The following HSD17B2 variants were observed in gnomAD, a reference collection of about 807,000 sequenced individuals.
The protein encoded by HSD17B2 is hydroxysteroid 17-beta dehydrogenase 2.
HSD17B2 carries 32 observed loss-of-function variants against 26.9 expected under a neutral mutation model. That is an observed-to-expected ratio of 1.19 (90% CI 0.90 to 1.60). The LOEUF (loss-of-function observed/expected upper bound fraction) is 1.60. HSD17B2 is among the 40% of genes most tolerant of loss of function. The pLI is 0.00. For missense variants in HSD17B2, 613 were observed against 468.6 expected, an observed-to-expected ratio of 1.31 and a Z score of -2.85; for synonymous variants, 246 against 186.7, an observed-to-expected ratio of 1.32 and a Z score of -2.59.
intron 1 of HSD17B2, among the ~76,000 whole-genome samples, chr16:82,054,161 A>G (rs538736753): frequency 6.6e-6 from 1 of 151,580 alleles, no homozygotes; most frequent in Non-Finnish European, 1.5e-5. Flanking sequence ...CAGTCCAAAC[A>G]TGTAAGAGCC....
At chr16:82,035,738 G>C in intron 1 of HSD17B2, 49 bp downstream of exon 1, 2 of 1,582,898 alleles carry the variant, frequency 1.3e-6, no homozygotes, top group Non-Finnish European at 1.7e-6. Flanking sequence ...TCTGAAACTT[G>C]CTTTGCCTTA....
At chr16:82,086,059 C>A (rs545538274) in intron 3 of HSD17B2, among the ~76,000 whole-genome samples, 60 of 152,116 alleles carry the variant, frequency 3.9e-4, no homozygotes, top group African/African-American at 1.4e-3. Flanking sequence ...ATGTGGAAAA[C>A]ATTTGGCAGT....
chr16:82,088,269 A>C (rs1904585098), intron 3 of HSD17B2, among the ~76,000 whole-genome samples: 1 of 152,170 alleles, frequency 6.6e-6, no homozygotes, highest in African/African-American at 2.4e-5. Context: ...CTTTTGGGCT[A>C]TTGAGATATT....
At chr16:82,088,381 G>A (rs574759389) in intron 3 of HSD17B2, among the ~76,000 whole-genome samples, 33 of 152,228 alleles carry the variant, frequency 2.2e-4, no homozygotes, top group African/African-American at 7.0e-4. Flanking sequence ...CTTTCGCAAC[G>A]ATCCTATGAT....
At chr16:82,055,852 G>A (rs886757268) in intron 1 of HSD17B2, among the ~76,000 whole-genome samples, 5 of 152,164 alleles carry the variant, frequency 3.3e-5, no homozygotes, top group African/African-American at 1.2e-4. Context: ...TGGCGAATTG[G>A]TTTCCTCTGT....
chr16:82,055,661 C>T (rs1483646160), intron 1 of HSD17B2, among the ~76,000 whole-genome samples: 2 of 152,180 alleles, frequency 1.3e-5, no homozygotes, highest in African/African-American at 4.8e-5. Flanking sequence ...TTATTGACAT[C>T]CAGACAGCGT....
chr16:82,049,235 C>T (rs8046220), intron 1 of HSD17B2, among the ~76,000 whole-genome samples: 11 of 152,054 alleles, frequency 7.2e-5, no homozygotes, highest in African/African-American at 1.5e-4. Flanking sequence ...TATAGGGTAG[C>T]GGGGAGTGAC....
At chr16:82,076,179 A>G (rs1305027264) in intron 3 of HSD17B2, among the ~76,000 whole-genome samples, 1 of 152,178 alleles carries the variant, frequency 6.6e-6, no homozygotes. Context: ...AAAATTCAAC[A>G]TCCCTTTATG....
chr16:82,080,238 G>T (rs947186505), intron 3 of HSD17B2, among the ~76,000 whole-genome samples: 1 of 152,150 alleles, frequency 6.6e-6, no homozygotes, highest in Admixed American at 6.6e-5. Context: ...AAACATACAC[G>T]TCCCATTGTC....
intron 1 of HSD17B2, among the ~76,000 whole-genome samples, chr16:82,067,413 A>G (rs772298947): frequency 1.3e-5 from 2 of 152,264 alleles, no homozygotes; most frequent in East Asian, 3.8e-4. Flanking sequence ...ACTTGTGGGT[A>G]TAAAACACTT....
intron 3 of HSD17B2, among the ~76,000 whole-genome samples, chr16:82,087,188 G>C (rs949271732): frequency 6.6e-6 from 1 of 152,180 alleles, no homozygotes; most frequent in African/African-American, 2.4e-5. Context: ...TAATGCAAGA[G>C]GAATAAGTTA....
chr16:82,044,111 T>C (rs1019178531), intron 1 of HSD17B2, among the ~76,000 whole-genome samples: 9 of 152,322 alleles, frequency 5.9e-5, no homozygotes, highest in Middle Eastern at 3.4e-3. Flanking sequence ...CTCTGAACCA[T>C]TTCCAGTTTC....
chr16:82,046,159 A>G (rs1415993178), intron 1 of HSD17B2, among the ~76,000 whole-genome samples: 3 of 152,192 alleles, frequency 2.0e-5, no homozygotes, highest in Non-Finnish European at 4.4e-5. Context: ...ATTGCCTACT[A>G]TGCACGCTCG....
rs8191184 is a variant in HSD17B2 at position 82,073,142 on chromosome 16, T to C, written c.664+2015T>C. ...AAAGCTCTTTCCAAGCCAGAACTTC[T>C]TACTCTGTTGTCATGTATTTTCATT... On this transcript the variant is annotated intron_variant, in intron 3 of 4. Coordinates refer to ENST00000199936, the MANE Select transcript of HSD17B2 (RefSeq NM_002153.3). 8.0e-3 allele frequency among the ~76,000 whole-genome samples: 1,224 copies of C among 152,316 alleles called. 19 individuals carry two copies. The highest frequency in any genetic ancestry group is 0.028 in the African/African-American group (1,171 of 41,580).
chr16:82,081,074 C>T (rs976615526), intron 3 of HSD17B2, among the ~76,000 whole-genome samples: 1 of 152,110 alleles, frequency 6.6e-6, no homozygotes, highest in African/African-American at 2.4e-5. Context: ...CCTCTCCTTC[C>T]TTCTCCCATA....
intron 1 of HSD17B2, among the ~76,000 whole-genome samples, chr16:82,051,396 A>G (rs997757944): frequency 1.3e-5 from 2 of 152,230 alleles, no homozygotes; most frequent in African/African-American, 4.8e-5. Context: ...CTAAAAAGGA[A>G]TGAGATAATG....
intron 1 of HSD17B2, among the ~76,000 whole-genome samples, chr16:82,042,389 G>A (rs922934448): frequency 2.6e-5 from 4 of 152,128 alleles, no homozygotes; most frequent in Non-Finnish European, 1.5e-5. Flanking sequence ...CAGAACTATC[G>A]CACTTGGCCT....
chr16:82,073,824 G>C (rs1225015961), intron 3 of HSD17B2, among the ~76,000 whole-genome samples: 2 of 152,092 alleles, frequency 1.3e-5, no homozygotes, highest in Non-Finnish European at 2.9e-5. Context: ...CTACCATTGA[G>C]GTTCTTCACA....
chr16:82,080,657 T>G (rs747747109), intron 3 of HSD17B2, among the ~76,000 whole-genome samples: 5 of 152,234 alleles, frequency 3.3e-5, no homozygotes, highest in Non-Finnish European at 7.3e-5. Context: ...TGGTTTGACT[T>G]TAAACGAGCT....
Sources: gnomAD v4.1 joint callset for allele counts (sites outside exome capture counted in the v4.1 genomes callset) on GRCh38, gnomAD v4.1.1 for gene constraint, MANE v1.5 for transcripts, NCBI Gene and HGNC (gene_info 2026-07-23, HGNC 2026-07-21) for gene names.